Variants in HAUS3 observed in about 807,000 individuals in gnomAD.
HAUS3 encodes HAUS augmin like complex subunit 3.
HAUS3 carries 36 observed loss-of-function variants against 55.2 expected under a neutral mutation model. That is an observed-to-expected ratio of 0.65 (90% CI 0.50 to 0.86). HAUS3 has a LOEUF of 0.86. HAUS3 is among the 40% of genes least tolerant of loss of function. The pLI is 0.00. For synonymous variants in HAUS3, 234 were observed against 238.6 expected (o/e 0.98, Z 0.18); for missense variants, 752 against 671.5 (o/e 1.12, Z -1.33).
In HAUS3 at chr4:2,235,544, C is replaced by A. The variant is rs916705539; in HGVS notation, c.1578+684G>T. 8.5e-5 allele frequency among the ~76,000 whole-genome samples: 13 copies of A among 152,056 alleles called. 1 individual carries two copies. The highest frequency in any genetic ancestry group is 8.5e-4 in the Admixed American group (13 of 15,272). The stretch of plus-strand genomic sequence containing the variant: ...ATCATATAATGGAATACTAACTATA[C>A]AAAAGAGAAAACTATGAATGAACTA... On this transcript the variant is annotated intron_variant, in intron 5 of 5. Transcript: ENST00000443786.
intron 4 of HAUS3, 96 bp downstream of exon 4, chr4:2,238,508 T>G: frequency 1.4e-6 from 1 of 697,904 alleles, no homozygotes; most frequent in South Asian, 3.5e-5. Context: ...ATGCAAAGAA[T>G]TGTTAAAAAC....
rs1354610399 is a variant in HAUS3 at position 2,240,847 on chromosome 4, CG to C, written c.99del (p.Val34LeufsTer7). On this transcript the variant is annotated frameshift_variant, in exon 3 of 6. Coordinates refer to ENST00000443786, the MANE Select transcript of HAUS3 (RefSeq NM_001303143.2). LOFTEE classifies it high-confidence loss of function. The part of the protein sequence containing the change: ...NGEDFDWLFE[G>X]VEDESFLKWF... ...CACTTCAGAAACGATTCATCTTCAACGCCCTCAAACAACCAGTCAAAGTCTT... is the reference window on the plus strand; with the variant it reads ...CACTTCAGAAACGATTCATCTTCAACCCCTCAAACAACCAGTCAAAGTCTT... The C allele has an allele frequency of 6.2e-7, 1 of 1,613,288 alleles. No homozygotes were observed. Among genetic ancestry groups the C allele is most frequent in the Non-Finnish European group, 8.5e-7 (1 of 1,179,958 alleles).
rs1236874580 is a variant in HAUS3, at chr4:2,240,814, C to T, written c.133G>A (p.Gly45Arg). 6.2e-7 allele frequency: 1 copy of T among 1,613,872 alleles called. No homozygotes were observed. Among genetic ancestry groups the T allele is most frequent in the Non-Finnish European group, 8.5e-7 (1 of 1,180,008 alleles). ...AACACGTTCTGTTCATTCACATTCC[C>T]ACAAAACCACTTCAGAAACGATTCA... Reference protein sequence around the residue: ...EDESFLKWFCGNVNEQNVLSE... With the variant: ...EDESFLKWFCRNVNEQNVLSE... The change falls in exon 3 of 6, where the codon GGG becomes AGG. Residue 45 changes from glycine to arginine, a missense_variant. Gly to Arg is a moderately radical substitution (Grantham distance 125). Transcript: ENST00000443786.
At chr4:2,238,354 C>T (rs1734840547) in intron 4 of HAUS3, among the ~76,000 whole-genome samples, 1 of 151,642 alleles carries the variant, frequency 6.6e-6, no homozygotes, top group African/African-American at 2.4e-5. Context: ...GGGAATAAAC[C>T]CATTCATTCC....
Position 2,238,830 on chromosome 4 carries a change from T to G in HAUS3, c.1123A>C (p.Asn375His), listed in dbSNP as rs1250543972. 1.2e-6 allele frequency: 2 copies of G among 1,613,050 alleles called. No homozygotes were observed. Among genetic ancestry groups the G allele is most frequent in the African/African-American group, 1.3e-5 (1 of 75,026 alleles). ...YYTARQELVL[N>H]QLIKQKASFE... is the part of the protein sequence containing the mutation. ...GATGCCTTTTGTTTTATTAATTGAT[T>G]TAAAACTAACTCTTGTCTTGCTGTA... Residue 375 changes from asparagine (N) to histidine (H), a missense_variant, in exon 4 of 6, where the codon AAT (asparagine) becomes CAT (histidine). Physicochemically the swap from Asn to His is moderately conservative, Grantham distance 68. Coordinates refer to ENST00000443786, the MANE Select transcript of HAUS3 (RefSeq NM_001303143.2).
rs780592787 is a variant in HAUS3, at chr4:2,229,069, G to C, written c.*2858C>G. On this transcript the variant is annotated 3_prime_UTR_variant, in exon 6 of 6. Transcript: ENST00000443786. ...GAACAATTAACATTCAAAGTATCAA[G>C]AGAAAGAAAGGTTCATAAAAATTAC... The C allele has an allele frequency of 5.1e-6, 8 of 1,554,144 alleles. No homozygotes were observed. The Admixed American group carries it at 5.5e-5, about 11-fold the overall frequency.
chr4:2,241,188 G>C (rs1305675799), intron 2 of HAUS3, 95 bp from the exon 3 acceptor site: 2 of 403,720 alleles, frequency 5.0e-6, no homozygotes, highest in Non-Finnish European at 8.7e-6. Flanking sequence ...TCCGAGAGCG[G>C]GATAAATGAC....
Position 2,242,047 on chromosome 4 carries a change from T to TCA in HAUS3, c.-419+2_-419+3dup. 2.0e-6 allele frequency: 2 copies of TCA among 985,580 alleles called. No homozygotes were observed. Among genetic ancestry groups the TCA allele is most frequent in the Non-Finnish European group, 2.4e-6 (2 of 830,044 alleles). 61.1% of individuals were successfully genotyped at this position (985,580 alleles called of 1,614,324 possible). On this transcript the variant is annotated splice_donor_region_variant and intron_variant, in intron 1 of 5. Transcript: ENST00000443786. ...CGCCCAGAACCGAGGCCCGCGTCAG[T>TCA]CACCTCAGGAAGTTCCGCTTGCTTC...
chr4:2,232,838 T>G (rs1734632662), intron 5 of HAUS3, among the ~76,000 whole-genome samples: 1 of 152,182 alleles, frequency 6.6e-6, no homozygotes, highest in South Asian at 2.1e-4. Context: ...GCATTCTACT[T>G]ATAAATTTTA....
chr4:2,230,746 T>C lies in HAUS3; in HGVS notation c.*1181A>G, dbSNP rs894323001. 1.3e-5 allele frequency: 2 copies of C among 152,224 alleles called. No individual in the cohort carries two copies. The highest frequency in any genetic ancestry group is 2.9e-5 in the Non-Finnish European group (2 of 68,014). The allele number at this position is 152,224 out of a possible 1,614,324, so 9.4% of individuals were successfully genotyped here. A position where few individuals can be genotyped will look rare whatever the true frequency, so the allele number is the denominator to read the frequency against. ...CCATATTACGAACAGGTGAGGAATA[T>C]TCTTAAAGGTATTCCTACAAAGCTC... is the stretch of plus-strand genomic sequence containing the variant. On this transcript the variant is annotated 3_prime_UTR_variant, in exon 6 of 6. Transcript: ENST00000443786.
At chr4:2,238,088 T>G (rs1734831884) in intron 4 of HAUS3, among the ~76,000 whole-genome samples, 1 of 152,224 alleles carries the variant, frequency 6.6e-6, no homozygotes, top group Non-Finnish European at 1.5e-5. Context: ...TTTGAGGTCT[T>G]AAGACTACTT....
In HAUS3 at chr4:2,241,186, C is replaced by G. The variant is rs1183393039; in HGVS notation, c.-147-93G>C. 9.9e-6 allele frequency: 4 copies of G among 404,978 alleles called. No homozygotes were observed. In the East Asian group the frequency reaches 1.8e-4, roughly 18 times the overall value. 25.1% of individuals were successfully genotyped at this position (404,978 alleles called of 1,614,324 possible). On this transcript the variant is annotated intron_variant, in intron 2 of 5. Transcript: ENST00000443786. The stretch of plus-strand genomic sequence containing the variant: ...ACAAATATCACATGATATCCGAGAG[C>G]GGGATAAATGACAGGTAGTCGTAGC...
In HAUS3 at chr4:2,232,068, T is replaced by C; in HGVS notation, c.1671A>G (p.Arg557=). The C allele has an allele frequency of 6.3e-7, 1 of 1,596,332 alleles. No homozygotes were observed. Among genetic ancestry groups the C allele is most frequent in the African/African-American group, 1.3e-5 (1 of 74,456 alleles). ...GTAATTTATTATTTGCCAAAGTTTT[T>C]CTTTTTGTCTTCACATCAGCAAGAA... is the stretch of plus-strand genomic sequence containing the variant. ...TDILADVKTK[R]KTLANNKLHQ... Residue 557 remains arginine (R), a synonymous_variant, in exon 6 of 6, where the codon AGA becomes AGG. Coordinates refer to ENST00000443786, the MANE Select transcript of HAUS3 (RefSeq NM_001303143.2).
chr4:2,229,019 T>C lies in HAUS3; in HGVS notation c.*2908A>G. The C allele has an allele frequency of 7.2e-7, 1 of 1,398,270 alleles. No homozygotes were observed. The highest frequency in any genetic ancestry group is 9.8e-7 in the Non-Finnish European group (1 of 1,018,934). The allele number at this position is 1,398,270 out of a possible 1,614,324, so 86.6% of individuals were successfully genotyped here. A position where few individuals can be genotyped will look rare whatever the true frequency, so the allele number is the denominator to read the frequency against. The stretch of plus-strand genomic sequence containing the variant: ...GCTGGGCTTCATCTGTCTACATGCA[T>C]TCCATTTTCAATTCTTAGTCTTTAG... On this transcript the variant is annotated 3_prime_UTR_variant, in exon 6 of 6. Transcript: ENST00000443786.
chr4:2,241,431 A>T (rs1230494114), intron 2 of HAUS3, 89 bp downstream of exon 2: 4 of 902,680 alleles, frequency 4.4e-6, no homozygotes, highest in Non-Finnish European at 5.3e-6. Context: ...AGCCACCAGG[A>T]GGCTAGGCAG....
chr4:2,241,322 T>G (rs957713090), intron 2 of HAUS3, among the ~76,000 whole-genome samples, 198 bp downstream of exon 2: 4 of 152,220 alleles, frequency 2.6e-5, no homozygotes, highest in African/African-American at 9.7e-5. Context: ...TTGGATCCAT[T>G]TTATCTTTTT....
rs781365456 is a variant in HAUS3, at chr4:2,238,938, C to G, written c.1015G>C (p.Val339Leu). Reference sequence around the variant, plus strand: ...AATAACTGGGCATTCTCTCTTACCACAGCAGGTAAACTTCTGTCTTTTATT... The same window carrying G: ...AATAACTGGGCATTCTCTCTTACCAGAGCAGGTAAACTTCTGTCTTTTATT... The part of the protein sequence containing the change: ...TQIKDRSLPA[V>L]VRENAQLLNM... The change falls in exon 4 of 6, where the codon GTG (valine) becomes CTG (leucine). Residue 339 changes from valine (V) to leucine (L), a missense_variant. Coordinates refer to ENST00000443786, the MANE Select transcript of HAUS3 (RefSeq NM_001303143.2). The G allele has an allele frequency of 6.2e-7, 1 of 1,608,844 alleles. No individual in the cohort carries two copies. Among genetic ancestry groups the G allele is most frequent in the Admixed American group, 1.7e-5 (1 of 58,998 alleles).
chr4:2,238,561 A>G (rs770286821), intron 4 of HAUS3, 43 bp downstream of exon 4: 16 of 1,331,424 alleles, frequency 1.2e-5, no homozygotes, highest in Non-Finnish European at 1.6e-5. Flanking sequence ...TTTCGCAAAA[A>G]CAAAAGGAAA....
rs1388136542 is a variant in HAUS3, at chr4:2,231,900, T to C, written c.*27A>G. 2 of 954,126 alleles carry C rather than the reference T, an allele frequency of 2.1e-6. No homozygotes were observed. The highest frequency in any genetic ancestry group is 3.0e-5 in the South Asian group (2 of 67,052). The allele number at this position is 954,126 out of a possible 1,614,324, so 59.1% of individuals were successfully genotyped here. A position where few individuals can be genotyped will look rare whatever the true frequency, so the allele number is the denominator to read the frequency against. ...CTTCTAATAAATAAAAGAGGACACG[T>C]AATAAAGATTCAGTTTTCAGTAATT... On this transcript the variant is annotated 3_prime_UTR_variant, in exon 6 of 6. Transcript: ENST00000443786.
Sources: allele counts gnomAD v4.1 joint callset (sites outside exome capture counted in the v4.1 genomes callset), GRCh38; gene constraint gnomAD v4.1.1; transcripts MANE v1.5; gene names NCBI Gene and HGNC (gene_info 2026-07-23, HGNC 2026-07-21).